Variants in TANC2 observed in about 807,000 individuals in gnomAD.
TANC2 encodes protein TANC2.
Under a neutral mutation model 210.5 loss-of-function variants are expected in TANC2, and 26 were observed. That is an observed-to-expected ratio of 0.12 (90% CI 0.09 to 0.17). The LOEUF (loss-of-function observed/expected upper bound fraction) is 0.17. TANC2 is among the 10% of genes least tolerant of loss of function. The probability of loss-of-function intolerance (pLI) is 1.00; values close to 1 mark genes in which losing one functional copy is unlikely to be tolerated. For synonymous variants in TANC2, 931 were observed against 967.1 expected, an observed-to-expected ratio of 0.96 and a Z score of 0.69; for missense variants, 2,129 against 2,608.9, an observed-to-expected ratio of 0.82 and a Z score of 4.01.
intron 14 of TANC2, among the ~76,000 whole-genome samples, chr17:63,367,148 C>A (rs994473576): frequency 1.3e-5 from 2 of 152,210 alleles, no homozygotes; most frequent in African/African-American, 4.8e-5. Context: ...ATTGCTCTTC[C>A]TTGTACCCAC....
intron 2 of TANC2, among the ~76,000 whole-genome samples, chr17:63,057,646 A>G (rs1204299196): frequency 6.6e-6 from 1 of 152,014 alleles, no homozygotes; most frequent in Non-Finnish European, 1.5e-5. Context: ...ATGTGTTCTC[A>G]TCATTTAGCT....
In TANC2 at chr17:63,342,578, C is replaced by T. The variant is rs200529962; in HGVS notation, c.1807+2246C>T. On this transcript the variant is annotated intron_variant, in intron 12 of 27. Coordinates refer to ENST00000689528, the Ensembl canonical transcript of TANC2. ...GATCACGAGGTCAGGAGATCAAGAC[C>T]ATCCTGGCTAACACAGTGAATCCCC... Among the ~76,000 whole-genome samples, 16 of 152,208 alleles carry T rather than the reference C, an allele frequency of 1.1e-4. No individual in the cohort carries two copies. The East Asian group carries it at 2.7e-3, about 26-fold the overall frequency.
At position 63,200,755 on chromosome 17, in the gene TANC2, G is replaced by A; in HGVS notation, c.583-16G>A. On this transcript the variant is annotated splice_polypyrimidine_tract_variant and intron_variant, in intron 6 of 27. Transcript: ENST00000689528. ...TGATCAGGTTATCTTACTTATTCAT[G>A]ATTCCAATTTTTCAGACCTCAGCAA... The A allele has an allele frequency of 6.2e-7, 1 of 1,604,190 alleles. No homozygotes were observed. The highest frequency in any genetic ancestry group is 8.5e-7 in the Non-Finnish European group (1 of 1,175,138).
chr17:63,216,821 A>G (rs1404430746), intron 7 of TANC2, among the ~76,000 whole-genome samples: 1 of 152,188 alleles, frequency 6.6e-6, no homozygotes, highest in Non-Finnish European at 1.5e-5. Flanking sequence ...AAGACATACC[A>G]TATTCTGGTC....
intron 5 of TANC2, among the ~76,000 whole-genome samples, chr17:63,180,044 A>G (rs2040726951): frequency 6.6e-6 from 1 of 151,196 alleles, no homozygotes; most frequent in Non-Finnish European, 1.5e-5. Flanking sequence ...AAGAGGCTGA[A>G]GTGGGAGGAT....
intron 3 of TANC2, among the ~76,000 whole-genome samples, chr17:63,086,899 C>T (rs2036988511): frequency 6.8e-6 from 1 of 146,660 alleles, no homozygotes; most frequent in Non-Finnish European, 1.6e-5. Context: ...ATAAAATGGA[C>T]CAATCAGCAC....
chr17:63,144,490 C>A (rs2039398909), intron 4 of TANC2, among the ~76,000 whole-genome samples: 1 of 152,116 alleles, frequency 6.6e-6, no homozygotes, highest in South Asian at 2.1e-4. Context: ...ATATCTCTAG[C>A]TACAATAATA....
intron 8 of TANC2, among the ~76,000 whole-genome samples, chr17:63,260,451 A>G (rs1346224732): frequency 1.3e-5 from 2 of 152,250 alleles, no homozygotes; most frequent in African/African-American, 4.8e-5. Flanking sequence ...TATTTGGTCC[A>G]CAGATTATCA....
intron 9 of TANC2, among the ~76,000 whole-genome samples, chr17:63,301,161 G>A (rs2044699881): frequency 1.3e-5 from 2 of 152,270 alleles, no homozygotes; most frequent in Non-Finnish European, 2.9e-5. Flanking sequence ...TTTTTGATGT[G>A]CTGCTGGATT....
intron 1 of TANC2, among the ~76,000 whole-genome samples, chr17:62,984,007 C>G (rs1301700073): frequency 1.3e-5 from 2 of 152,138 alleles, no homozygotes; most frequent in East Asian, 3.9e-4. Flanking sequence ...GAATTCCCTC[C>G]ACTTCAATTT....
At chr17:63,172,209 T>TA (rs1385321334) in intron 5 of TANC2, among the ~76,000 whole-genome samples, 5 of 150,316 alleles carry the variant, frequency 3.3e-5, no homozygotes, top group South Asian at 2.1e-4. Flanking sequence ...TTTTTTTTTT[T>TA]AGATGGAGTT....
chr17:63,237,891 G>T lies in TANC2; in HGVS notation c.847G>T (p.Gly283Ter). Reference sequence around the variant, plus strand: ...AAGCAGTAAAGAATTAGGATCTGGAGGAAACATAAAACCTTGGCAGTCTCA... The same window carrying T: ...AAGCAGTAAAGAATTAGGATCTGGATGAAACATAAAACCTTGGCAGTCTCA... Residue 283 changes from glycine (G) to a stop codon, truncating the protein, a stop_gained, in exon 8 of 28, where the codon GGA becomes TGA. Coordinates refer to ENST00000689528, the Ensembl canonical transcript of TANC2. LOFTEE classifies it high-confidence loss of function. 1 of 1,568,364 alleles carries T rather than the reference G, an allele frequency of 6.4e-7. No homozygotes were observed. The highest frequency in any genetic ancestry group is 2.3e-5 in the East Asian group (1 of 42,878).
At chr17:63,413,707 T>C in intron 25 of TANC2, 73 bp downstream of exon 25, 3 of 1,339,212 alleles carry the variant, frequency 2.2e-6, no homozygotes, top group Non-Finnish European at 3.1e-6. Flanking sequence ...TCTTACAAAG[T>C]CTTGATAATT....
intron 10 of TANC2, 122 bp from the exon 11 acceptor site, chr17:63,318,835 A>G: frequency 8.6e-7 from 1 of 1,167,420 alleles, no homozygotes; most frequent in Non-Finnish European, 1.2e-6. Flanking sequence ...ATGTGTTTTT[A>G]TTTCTCTTAA....
chr17:63,355,336 A>T, exon 14 of TANC2: 1 of 1,610,046 alleles, frequency 6.2e-7, no homozygotes, highest in South Asian at 1.1e-5. Flanking sequence ...TCTTTTCGAG[A>T]ATGGCTTATC....
rs183007161 is a variant in TANC2 at position 63,403,305 on chromosome 17, C to A, written c.3332-1817C>A. ...CACCCTCACATACAGAGGTTTGCTG[C>A]AAACTTATCAACCTAGTAACTACTT... On this transcript the variant is annotated intron_variant, in intron 19 of 27. Transcript: ENST00000689528. Among the ~76,000 whole-genome samples the A allele has an allele frequency of 1.2e-3, 184 of 152,256 alleles. 1 individual carries two copies. Among genetic ancestry groups the A allele is most frequent in the African/African-American group, 4.2e-3 (176 of 41,550 alleles).
At chr17:63,230,383 G>A (rs1027590550) in intron 7 of TANC2, among the ~76,000 whole-genome samples, 12 of 151,932 alleles carry the variant, frequency 7.9e-5, no homozygotes, top group African/African-American at 2.7e-4. Context: ...TTAGGGTATC[G>A]ATTTGAGATC....
At chr17:63,016,945 T>G (rs947253723) in intron 2 of TANC2, among the ~76,000 whole-genome samples, 5 of 152,338 alleles carry the variant, frequency 3.3e-5, no homozygotes, top group African/African-American at 1.2e-4. Flanking sequence ...TTCTGGATAT[T>G]AATCTCTTAT....
At chr17:63,104,762 T>C (rs1390828539) in intron 4 of TANC2, among the ~76,000 whole-genome samples, 3 of 152,026 alleles carry the variant, frequency 2.0e-5, no homozygotes, top group African/African-American at 7.3e-5. Context: ...AGTTGTGCTG[T>C]ATAGCTTTCT....
Sources: allele counts gnomAD v4.1 joint callset (sites outside exome capture counted in the v4.1 genomes callset), GRCh38; gene constraint gnomAD v4.1.1; transcripts MANE v1.5; gene names NCBI Gene and HGNC (gene_info 2026-07-23, HGNC 2026-07-21).